The following MNAT1 variants were observed in gnomAD, a reference collection of about 807,000 sequenced individuals.
MNAT1 encodes the protein MNAT1 component of CDK activating kinase, also known as CDK-activating kinase assembly factor MAT1.
A neutral mutation model predicts 42.0 loss-of-function variants in MNAT1; 43 were observed. The observed-to-expected ratio is 1.02, with a 90% CI of 0.80 to 1.32. The LOEUF (loss-of-function observed/expected upper bound fraction) is 1.32, where lower values mean the gene tolerates loss of function less well. MNAT1 is among the 40% of genes most tolerant of loss of function. MNAT1 has a pLI of 0.00. For synonymous variants in MNAT1, 118 were observed against 120.0 expected (o/e 0.98, Z 0.11); for missense variants, 306 against 350.4 (o/e 0.87, Z 1.01).
chr14:60,899,924 G>C (rs907720577), intron 7 of MNAT1, among the ~76,000 whole-genome samples: 1 of 128,170 alleles, frequency 7.8e-6, no homozygotes, highest in Non-Finnish European at 1.7e-5. Flanking sequence ...GTGGTGATTT[G>C]TGATTAGTGA....
intron 1 of MNAT1, among the ~76,000 whole-genome samples, chr14:60,762,598 C>T (rs769828979): frequency 6.7e-5 from 10 of 148,506 alleles, no homozygotes; most frequent in African/African-American, 1.5e-4. Flanking sequence ...TCCAGCTACC[C>T]GGGAGGCTGA....
At chr14:60,768,123 A>T (rs1414833362) in intron 1 of MNAT1, among the ~76,000 whole-genome samples, 1 of 150,922 alleles carries the variant, frequency 6.6e-6, no homozygotes, top group Non-Finnish European at 1.5e-5. Context: ...ATGGTTTCGA[A>T]CTCCTGACCT....
At chr14:60,963,171 G>A (rs1260747842) in intron 7 of MNAT1, among the ~76,000 whole-genome samples, 6 of 151,886 alleles carry the variant, frequency 4.0e-5, no homozygotes, top group East Asian at 1.9e-4. Flanking sequence ...TAGTAGATTC[G>A]GGTTTTCACC....
chr14:60,782,193 G>C (rs956946944), intron 1 of MNAT1, among the ~76,000 whole-genome samples: 1 of 151,990 alleles, frequency 6.6e-6, no homozygotes, highest in Non-Finnish European at 1.5e-5. Context: ...TGAAGTTTTA[G>C]CTTTTTAAGC....
At chr14:60,810,673 T>C (rs1248224628) in intron 4 of MNAT1, among the ~76,000 whole-genome samples, 1 of 152,202 alleles carries the variant, frequency 6.6e-6, no homozygotes, top group Admixed American at 6.5e-5. Flanking sequence ...CCTTCTGCTA[T>C]TGATTCCTGG....
At chr14:60,744,036 A>G (rs991421411) in intron 1 of MNAT1, among the ~76,000 whole-genome samples, 20 of 152,084 alleles carry the variant, frequency 1.3e-4, no homozygotes, top group African/African-American at 4.8e-4. Context: ...AATTTTTTGA[A>G]CATATTTTCC....
intron 1 of MNAT1, among the ~76,000 whole-genome samples, chr14:60,749,858 T>C (rs2029995713): frequency 6.6e-6 from 1 of 152,206 alleles, no homozygotes; most frequent in Non-Finnish European, 1.5e-5. Context: ...TCAAATGTGT[T>C]AAGCCTATTT....
chr14:60,805,224 T>C (rs8003035), intron 3 of MNAT1, among the ~76,000 whole-genome samples: 44 of 148,048 alleles, frequency 3.0e-4, no homozygotes, highest in African/African-American at 8.7e-4. Flanking sequence ...TTCTTTTTTC[T>C]TTTTTTTTAA....
intron 1 of MNAT1, among the ~76,000 whole-genome samples, chr14:60,743,239 T>C (rs753736248): frequency 6.7e-4 from 102 of 152,196 alleles, no homozygotes; most frequent in Non-Finnish European, 1.1e-3. Flanking sequence ...TTCCTTTGGA[T>C]CTGATTTTAT....
chr14:60,822,985 G>T (rs2139370863), intron 6 of MNAT1, among the ~76,000 whole-genome samples: 1 of 152,224 alleles, frequency 6.6e-6, no homozygotes, highest in Non-Finnish European at 1.5e-5. Flanking sequence ...TGGAACTCCT[G>T]AGCTCAAGCC....
chr14:60,805,712 C>T (rs181530893), intron 3 of MNAT1, among the ~76,000 whole-genome samples: 1 of 152,242 alleles, frequency 6.6e-6, no homozygotes, highest in East Asian at 1.9e-4. Flanking sequence ...TTTAAAGCTC[C>T]TCTGTGTCTT....
intron 6 of MNAT1, among the ~76,000 whole-genome samples, chr14:60,837,232 G>A (rs1348189103): frequency 1.3e-5 from 2 of 152,170 alleles, no homozygotes; most frequent in Non-Finnish European, 2.9e-5. Flanking sequence ...GGAGTGAATG[G>A]TTCTGTCTCT....
intron 6 of MNAT1, among the ~76,000 whole-genome samples, chr14:60,842,414 A>G (rs1411449775): frequency 6.6e-6 from 1 of 152,150 alleles, no homozygotes; most frequent in African/African-American, 2.4e-5. Context: ...TATGTATTAT[A>G]GCCTGGAAAT....
intron 6 of MNAT1, among the ~76,000 whole-genome samples, chr14:60,872,401 C>A (rs1366821757): frequency 6.6e-6 from 1 of 152,098 alleles, no homozygotes; most frequent in East Asian, 1.9e-4. Flanking sequence ...ACTCTTCCAC[C>A]TTTCCCTTTC....
intron 7 of MNAT1, among the ~76,000 whole-genome samples, chr14:60,967,173 A>G (rs1368573658): frequency 6.6e-6 from 1 of 152,144 alleles, no homozygotes; most frequent in African/African-American, 2.4e-5. Flanking sequence ...ATATTGCTCT[A>G]TATGTTTTAG....
intron 6 of MNAT1, among the ~76,000 whole-genome samples, chr14:60,864,139 A>T (rs2034155472): frequency 1.3e-5 from 2 of 152,016 alleles, no homozygotes; most frequent in African/African-American, 4.8e-5. Context: ...TTATGGAAAA[A>T]TTGAGTGTAA....
intron 1 of MNAT1, among the ~76,000 whole-genome samples, chr14:60,788,382 A>G (rs2031717645): frequency 6.6e-6 from 1 of 152,186 alleles, no homozygotes; most frequent in African/African-American, 2.4e-5. Context: ...CACAGGCAGT[A>G]TAGATTTAGC....
rs1896436791 is a variant in MNAT1 at position 60,740,656 on chromosome 14, T to C, written c.89+5705T>C. On this transcript the variant is annotated intron_variant, in intron 1 of 7. Transcript: ENST00000261245. This position sits in a 1 kb window ranked among gnomAD's most constrained non-coding sequence, Gnocchi z 4.1. ...ATTAGGAAAAGGCACTTATTTTAGG[T>C]GGAAGATTTAGAACAGGAACATTCT... is the stretch of plus-strand genomic sequence containing the variant. Among the ~76,000 whole-genome samples the C allele has an allele frequency of 6.6e-6, 1 of 152,168 alleles. No individual in the cohort carries two copies. The highest frequency in any genetic ancestry group is 6.5e-5 in the Admixed American group (1 of 15,274).
intron 7 of MNAT1, among the ~76,000 whole-genome samples, chr14:60,927,978 T>G (rs1273827819): frequency 1.3e-5 from 2 of 152,194 alleles, no homozygotes; most frequent in Non-Finnish European, 1.5e-5. Flanking sequence ...ACAGTCCAGT[T>G]TTAGAACCTT....
Sources: allele counts gnomAD v4.1 joint callset (sites outside exome capture counted in the v4.1 genomes callset), GRCh38; gene constraint gnomAD v4.1.1; non-coding constraint Gnocchi (gnomAD v3.1); transcripts MANE v1.5; gene names NCBI Gene and HGNC (gene_info 2026-07-23, HGNC 2026-07-21).